AGAP1: variants seen among roughly 807,000 people sequenced by gnomAD.
AGAP1 encodes the protein arf-GAP with GTPase, ANK repeat and PH domain-containing protein 1.
Under a neutral mutation model 105.3 loss-of-function variants are expected in AGAP1, and 29 were observed. The ratio of observed to expected loss-of-function variants is 0.28; its 90% CI spans 0.21 to 0.38. AGAP1 has a LOEUF of 0.38. AGAP1 is among the 10% of genes least tolerant of loss of function. The probability of loss-of-function intolerance (pLI) is 1.00; values close to 1 mark genes in which losing one functional copy is unlikely to be tolerated. For synonymous variants in AGAP1, 509 were observed against 485.9 expected (o/e 1.05, Z -0.63); for missense variants, 998 against 1,165.1 (o/e 0.86, Z 2.09).
rs1293833254 is a variant in AGAP1 at position 235,551,471 on chromosome 2, G to GA, written c.163+56623dup. 2.1e-5 allele frequency among the ~76,000 whole-genome samples: 3 copies of GA among 139,672 alleles called. No homozygotes were observed. Among genetic ancestry groups the GA allele is most frequent in the Admixed American group, 7.1e-5 (1 of 14,142 alleles). 91.6% of individuals were successfully genotyped at this position (139,672 alleles called of 152,430 possible). ...CAGGTGCGCAGCACCACACCTGGCT[G>GA]ATTTTTTTTGTAGAGACGGGTCGTC... On this transcript the variant is annotated intron_variant, in intron 1 of 17. Coordinates refer to ENST00000304032, the MANE Select transcript of AGAP1 (RefSeq NM_001037131.3). This position sits in a 1 kb window ranked among gnomAD's most constrained non-coding sequence, Gnocchi z 4.8.
At chr2:235,654,216 G>T (rs562925418) in intron 1 of AGAP1, among the ~76,000 whole-genome samples, 4 of 152,146 alleles carry the variant, frequency 2.6e-5, no homozygotes, top group South Asian at 2.1e-4. Flanking sequence ...GCCCATGAAG[G>T]GATTTTATAT....
At chr2:235,547,953 G>A (rs1187555445) in intron 1 of AGAP1, among the ~76,000 whole-genome samples, 1 of 152,254 alleles carries the variant, frequency 6.6e-6, no homozygotes, top group South Asian at 2.1e-4. Context: ...ACGCCTGTTT[G>A]TGTTTAGCAC....
chr2:235,544,477 C>T (rs983670006), intron 1 of AGAP1, among the ~76,000 whole-genome samples: 23 of 152,208 alleles, frequency 1.5e-4, no homozygotes, highest in African/African-American at 3.6e-4. Context: ...TGAACCTTCC[C>T]GTGGTCCGTG....
intron 11 of AGAP1, among the ~76,000 whole-genome samples, chr2:235,915,506 C>CT (rs1157429983): frequency 1.3e-5 from 2 of 152,056 alleles, no homozygotes; most frequent in African/African-American, 4.8e-5. Flanking sequence ...TGGTGAAACC[C>CT]TGTCTTTACA....
chr2:235,784,598 C>CAAAA (rs71400786), intron 6 of AGAP1, among the ~76,000 whole-genome samples: 5 of 124,460 alleles, frequency 4.0e-5, no homozygotes, highest in South Asian at 2.6e-4. Context: ...CTTATTAAAG[C>CAAAA]AAAAAAAAAA....
intron 13 of AGAP1, among the ~76,000 whole-genome samples, chr2:235,990,983 A>G (rs1219213945): frequency 6.6e-6 from 1 of 152,240 alleles, no homozygotes; most frequent in Non-Finnish European, 1.5e-5. Flanking sequence ...AGCACAGCCC[A>G]GCAAAGGTGA....
intron 1 of AGAP1, chr2:235,670,370 G>A (rs1948324740): frequency 1.8e-6 from 1 of 542,950 alleles, no homozygotes; most frequent in Non-Finnish European, 3.3e-6. Context: ...GCGCGCTTGG[G>A]ATTTCCGCAC....
rs1036566506 is a variant in AGAP1, at chr2:235,882,786, G to GT, written c.1051-552dup. ...CACCGTGCCCGGCCTGGTTAATGCAGTTTTTTTAGTTTGTTCTTTCTTTTT... is the reference window on the plus strand; with the variant it reads ...CACCGTGCCCGGCCTGGTTAATGCAGTTTTTTTTAGTTTGTTCTTTCTTTTT... On this transcript the variant is annotated intron_variant, in intron 9 of 17. Coordinates refer to ENST00000304032, the MANE Select transcript of AGAP1 (RefSeq NM_001037131.3). This position sits in a 1 kb window ranked among gnomAD's most constrained non-coding sequence, Gnocchi z 4.6. 8.6e-5 allele frequency among the ~76,000 whole-genome samples: 13 copies of GT among 151,734 alleles called. No homozygotes were observed. Among genetic ancestry groups the GT allele is most frequent in the Admixed American group, 6.6e-4 (10 of 15,232 alleles).
rs776003489 is a variant in AGAP1 at position 235,830,797 on chromosome 2, G to T, written c.1050+23466G>T. The stretch of plus-strand genomic sequence containing the variant: ...ATTTTTAAGTGATTTTACTTCTATT[G>T]GATGCTGTTGATAGCCTCATTCTTC... On this transcript the variant is annotated intron_variant, in intron 9 of 17. Transcript: ENST00000304032. This position sits in a 1 kb window ranked among gnomAD's most constrained non-coding sequence, Gnocchi z 5.5. Among the ~76,000 whole-genome samples, 6 of 152,134 alleles carry T rather than the reference G, an allele frequency of 3.9e-5. No individual in the cohort carries two copies. Among genetic ancestry groups the T allele is most frequent in the Non-Finnish European group, 8.8e-5 (6 of 68,034 alleles).
intron 16 of AGAP1, among the ~76,000 whole-genome samples, chr2:236,068,803 A>G (rs2058420007): frequency 6.7e-6 from 1 of 148,798 alleles, no homozygotes; most frequent in Non-Finnish European, 1.5e-5. Context: ...GTCTCAAAAA[A>G]AAAAAAAAAA....
intron 1 of AGAP1, among the ~76,000 whole-genome samples, chr2:235,528,427 T>C (rs1942928488): frequency 6.6e-6 from 1 of 150,642 alleles, no homozygotes; most frequent in South Asian, 2.1e-4. Flanking sequence ...ATATTGATTA[T>C]GGACTTTTGG....
chr2:235,707,000 C>T (rs899667775), intron 1 of AGAP1, among the ~76,000 whole-genome samples: 3 of 152,242 alleles, frequency 2.0e-5, no homozygotes, highest in Non-Finnish European at 2.9e-5. Flanking sequence ...GTCAGGCCCA[C>T]GCTAGTGCGT....
In AGAP1 at chr2:235,631,503, T is replaced by C. The variant is rs1420021606; in HGVS notation, c.164-77676T>C. Among the ~76,000 whole-genome samples the C allele has an allele frequency of 6.6e-6, 1 of 152,186 alleles. No homozygotes were observed. Among genetic ancestry groups the C allele is most frequent in the Non-Finnish European group, 1.5e-5 (1 of 68,026 alleles). On this transcript the variant is annotated intron_variant, in intron 1 of 17. Transcript: ENST00000304032. The surrounding 1 kb of genome is among the most constrained non-coding windows in gnomAD (Gnocchi z 5.4). ...ACTGCGTGGTCCTGGTTATACCTGC[T>C]GGTCAAAGGTCAGTCTGCCAAGGCC... is the stretch of plus-strand genomic sequence containing the variant.
In AGAP1 at chr2:235,744,911, T is replaced by C. The variant is rs1952809805; in HGVS notation, c.538+72T>C. On this transcript the variant is annotated intron_variant, in intron 5 of 17. Coordinates refer to ENST00000304032, the MANE Select transcript of AGAP1 (RefSeq NM_001037131.3). This position sits in a 1 kb window ranked among gnomAD's most constrained non-coding sequence, Gnocchi z 5.2. ...TACATATTTTCAGTATGGAGGAGTT[T>C]AAAAAATGCTTTAAAGAAGGAAAAA... 6.5e-7 allele frequency: 1 copy of C among 1,541,326 alleles called. No homozygotes were observed. Among genetic ancestry groups the C allele is most frequent in the African/African-American group, 1.4e-5 (1 of 72,406 alleles).
rs1193320694 is a variant in AGAP1, at chr2:235,752,302, C to T, written c.673+1814C>T. ...AGGCAAATCTTGTGCCTCAGCCTCC[C>T]CAGTAGCTGGAATTACAGGTACACG... is the stretch of plus-strand genomic sequence containing the variant. On this transcript the variant is annotated intron_variant, in intron 6 of 17. Transcript: ENST00000304032. This position sits in a 1 kb window ranked among gnomAD's most constrained non-coding sequence, Gnocchi z 4.3. 6.6e-6 allele frequency among the ~76,000 whole-genome samples: 1 copy of T among 152,122 alleles called. No homozygotes were observed. Among genetic ancestry groups the T allele is most frequent in the African/African-American group, 2.4e-5 (1 of 41,412 alleles).
rs1403458727 is a variant in AGAP1, at chr2:235,799,850, C to T, written c.957+328C>T. Among the ~76,000 whole-genome samples, 1 of 152,220 alleles carries T rather than the reference C, an allele frequency of 6.6e-6. No homozygotes were observed. Among genetic ancestry groups the T allele is most frequent in the East Asian group, 1.9e-4 (1 of 5,166 alleles). On this transcript the variant is annotated intron_variant, in intron 8 of 17. Coordinates refer to ENST00000304032, the MANE Select transcript of AGAP1 (RefSeq NM_001037131.3). The surrounding 1 kb of genome is among the most constrained non-coding windows in gnomAD (Gnocchi z 5.0). ...GGAGATGACAAAACTCTAAGATTCC[C>T]AGATGTGTGTCTCTAACCGTTCAGA...
In AGAP1 at chr2:235,663,756, A is replaced by C. The variant is rs767370250; in HGVS notation, c.164-45423A>C. Among the ~76,000 whole-genome samples, 57 of 152,136 alleles carry C rather than the reference A, an allele frequency of 3.7e-4. No homozygotes were observed. The highest frequency in any genetic ancestry group is 7.9e-4 in the Non-Finnish European group (54 of 68,034). On this transcript the variant is annotated intron_variant, in intron 1 of 17. Coordinates refer to ENST00000304032, the MANE Select transcript of AGAP1 (RefSeq NM_001037131.3). This position sits in a 1 kb window ranked among gnomAD's most constrained non-coding sequence, Gnocchi z 5.4. ...TCCTACTCCAGGAAGCTCTTAGGAG[A>C]ATCCAAATCCGACTTCCCTGTGCTT...
At position 235,705,821 on chromosome 2, in the gene AGAP1, T is replaced by A. The variant is rs566198354; in HGVS notation, c.164-3358T>A. On this transcript the variant is annotated intron_variant, in intron 1 of 17. Transcript: ENST00000304032. This position sits in a 1 kb window ranked among gnomAD's most constrained non-coding sequence, Gnocchi z 4.9. ...TTTGCAAGTAAAAAGATGCTTCACA[T>A]TGTTCCAATGTTTATATAATCATGC... Among the ~76,000 whole-genome samples, 2 of 152,338 alleles carry A rather than the reference T, an allele frequency of 1.3e-5. No homozygotes were observed. Among genetic ancestry groups the A allele is most frequent in the South Asian group, 2.1e-4 (1 of 4,826 alleles).
chr2:235,617,043 A>T (rs190305940), intron 1 of AGAP1, among the ~76,000 whole-genome samples: 1 of 151,994 alleles, frequency 6.6e-6, no homozygotes, highest in East Asian at 1.9e-4. Flanking sequence ...CTCACATTTT[A>T]TGAATTTGCT....
Sources: gnomAD v4.1 joint callset for allele counts (sites outside exome capture counted in the v4.1 genomes callset) on GRCh38, gnomAD v4.1.1 for gene constraint, Gnocchi (gnomAD v3.1) non-coding constraint, MANE v1.5 for transcripts, NCBI Gene and HGNC (gene_info 2026-07-23, HGNC 2026-07-21) for gene names.